The following ADGRL3 variants were observed in gnomAD, a reference collection of about 807,000 sequenced individuals.
ADGRL3 encodes the protein adhesion G protein-coupled receptor L3, also known as calcium-independent alpha-latrotoxin receptor 3.
Under a neutral mutation model 153.5 loss-of-function variants are expected in ADGRL3, and 62 were observed. The observed-to-expected ratio is 0.40, with a 90% CI of 0.33 to 0.50. The LOEUF is 0.50. Among genes scored for constraint, ADGRL3 ranks in the 20% least tolerant of loss-of-function variants. The probability of loss-of-function intolerance (pLI) is 0.47; values close to 1 mark genes in which losing one functional copy is unlikely to be tolerated. For missense variants in ADGRL3, 1,641 were observed against 1,859.4 expected (o/e 0.88, Z 2.16); for synonymous variants, 710 against 672.5 (o/e 1.06, Z -0.86).
At chr4:61,237,771 C>T (rs1753394988) in intron 1 of ADGRL3, among the ~76,000 whole-genome samples, 1 of 152,166 alleles carries the variant, frequency 6.6e-6, no homozygotes, top group South Asian at 2.1e-4. Context: ...TAGGTAATCA[C>T]ATCTCTAGTA....
intron 2 of ADGRL3, among the ~76,000 whole-genome samples, chr4:61,494,084 T>G (rs2098286009): frequency 9.3e-6 from 1 of 107,898 alleles, no homozygotes; most frequent in African/African-American, 3.5e-5. Context: ...TGTGTCCTGT[T>G]TTTTTTTTTT....
intron 21 of ADGRL3, among the ~76,000 whole-genome samples, chr4:62,002,687 T>G (rs1285403842): frequency 2.0e-5 from 3 of 152,116 alleles, no homozygotes; most frequent in African/African-American, 7.2e-5. Context: ...TATTTGCTGC[T>G]TGCTTACTTG....
At chr4:61,206,047 T>G (rs1335717828) in intron 1 of ADGRL3, among the ~76,000 whole-genome samples, 2 of 152,202 alleles carry the variant, frequency 1.3e-5, no homozygotes, top group African/African-American at 4.8e-5. Context: ...TACTTGAAAT[T>G]AATTGAACTT....
chr4:62,023,959 A>G (rs1392108322), intron 21 of ADGRL3, among the ~76,000 whole-genome samples: 2 of 152,124 alleles, frequency 1.3e-5, no homozygotes, highest in Admixed American at 1.3e-4. Context: ...ACTGAATTCT[A>G]ATAAGTATTT....
At chr4:61,269,915 A>G (rs1003864140) in intron 1 of ADGRL3, among the ~76,000 whole-genome samples, 19 of 151,732 alleles carry the variant, frequency 1.3e-4, no homozygotes, top group African/African-American at 4.6e-4. Context: ...ACAGATAAAG[A>G]AACTTGAGAC....
At chr4:61,608,470 A>T (rs1203393571) in intron 5 of ADGRL3, among the ~76,000 whole-genome samples, 1 of 152,236 alleles carries the variant, frequency 6.6e-6, no homozygotes, top group Non-Finnish European at 1.5e-5. Flanking sequence ...ATAAAAACTG[A>T]GGCGAATATT....
intron 17 of ADGRL3, among the ~76,000 whole-genome samples, chr4:61,962,363 C>T (rs1469689603): frequency 6.6e-6 from 1 of 151,374 alleles, no homozygotes; most frequent in Non-Finnish European, 1.5e-5. Flanking sequence ...TGATACAATA[C>T]TATAATCTAC....
chr4:61,291,549 G>T (rs1368247129), intron 1 of ADGRL3, among the ~76,000 whole-genome samples: 1 of 80,850 alleles, frequency 1.2e-5, no homozygotes, highest in Non-Finnish European at 2.9e-5. Context: ...TGGATATGAA[G>T]GGAAGACTAT....
rs141618141 is a variant in ADGRL3 at position 61,434,509 on chromosome 4, T to C, written c.-174+51320T>C. 7.2e-5 allele frequency among the ~76,000 whole-genome samples: 11 copies of C among 152,206 alleles called. 1 individual carries two copies. Among genetic ancestry groups the C allele is most frequent in the African/African-American group, 2.6e-4 (11 of 41,550 alleles). On this transcript the variant is annotated intron_variant, in intron 2 of 26. Transcript: ENST00000683033. ...CATTCATGTAGTGCTAAAAATGAAATGATATTTTGATTTTGACCTTTTCTT... is the reference window on the plus strand; with the variant it reads ...CATTCATGTAGTGCTAAAAATGAAACGATATTTTGATTTTGACCTTTTCTT...
At chr4:61,539,125 G>A (rs952999632) in intron 4 of ADGRL3, among the ~76,000 whole-genome samples, 1 of 152,130 alleles carries the variant, frequency 6.6e-6, no homozygotes, top group African/African-American at 2.4e-5. Context: ...TTTGCCCTGT[G>A]TCACCCCCTA....
chr4:61,375,924 CAT>C (rs1289490978), intron 1 of ADGRL3, among the ~76,000 whole-genome samples: 7 of 152,026 alleles, frequency 4.6e-5, no homozygotes, highest in South Asian at 2.1e-4. Flanking sequence ...TCTGAGAACA[CAT>C]GTTTTCTTTC....
At chr4:61,709,137 C>T (rs1416362741) in intron 6 of ADGRL3, among the ~76,000 whole-genome samples, 2 of 152,100 alleles carry the variant, frequency 1.3e-5, no homozygotes, top group African/African-American at 2.4e-5. Flanking sequence ...GCCTATTATA[C>T]ACAGAAAATT....
chr4:61,966,778 G>A (rs181562198), intron 17 of ADGRL3, among the ~76,000 whole-genome samples: 198 of 152,124 alleles, frequency 1.3e-3, no homozygotes, highest in African/African-American at 4.6e-3. Context: ...CTGTTCTAAG[G>A]GGCTTAGTAT....
At chr4:61,462,001 T>G (rs570950422) in intron 2 of ADGRL3, among the ~76,000 whole-genome samples, 147 of 152,312 alleles carry the variant, frequency 9.7e-4, no homozygotes, top group Non-Finnish European at 1.7e-3. Context: ...TTATTAACTG[T>G]ACAAGAGGTA....
chr4:61,560,167 G>A (rs2098788674), intron 4 of ADGRL3, among the ~76,000 whole-genome samples: 1 of 151,846 alleles, frequency 6.6e-6, no homozygotes, highest in Admixed American at 6.6e-5. Context: ...CTATTATATT[G>A]TCACTACTTA....
intron 6 of ADGRL3, among the ~76,000 whole-genome samples, chr4:61,693,393 T>C (rs2095576494): frequency 6.6e-6 from 1 of 151,980 alleles, no homozygotes; most frequent in African/African-American, 2.4e-5. Flanking sequence ...AAACCAAAGA[T>C]ACAGCATGCC....
At position 61,744,710 on chromosome 4, in the gene ADGRL3, T is replaced by A. The variant is rs186182190; in HGVS notation, c.1399+11156T>A. 2.5e-3 allele frequency among the ~76,000 whole-genome samples: 376 copies of A among 152,092 alleles called. 4 individuals are homozygous for A. Among genetic ancestry groups the A allele is most frequent in the African/African-American group, 8.3e-3 (345 of 41,460 alleles). On this transcript the variant is annotated intron_variant, in intron 8 of 26. Transcript: ENST00000683033. ...AAAGGACATCCACACCAAAAAACCA[T>A]CTGTACATCACCATCATCAAAGACC...
At chr4:61,797,363 C>A (rs2152463567) in intron 8 of ADGRL3, among the ~76,000 whole-genome samples, 1 of 152,188 alleles carries the variant, frequency 6.6e-6, no homozygotes, top group East Asian at 1.9e-4. Context: ...TCTAAAGGAT[C>A]CTGGGTGTTA....
intron 2 of ADGRL3, among the ~76,000 whole-genome samples, chr4:61,389,597 T>TA (rs199976049): frequency 0.077 from 11,687 of 152,218 alleles, 494 homozygotes; most frequent in Middle Eastern, 0.2. Context: ...CCCTTTTTTT[T>TA]ATAGAAAATT....
Sources: gnomAD v4.1 joint callset for allele counts (sites outside exome capture counted in the v4.1 genomes callset) on GRCh38, gnomAD v4.1.1 for gene constraint, MANE v1.5 for transcripts, NCBI Gene and HGNC (gene_info 2026-07-23, HGNC 2026-07-21) for gene names.